The following PRKG2 variants were observed in gnomAD, a reference collection of about 807,000 sequenced individuals.
PRKG2 encodes the protein cGMP-dependent protein kinase 2.
PRKG2 carries 33 observed loss-of-function variants against 97.2 expected under a neutral mutation model. The observed-to-expected ratio is 0.34, with a 90% CI of 0.26 to 0.45. The LOEUF (loss-of-function observed/expected upper bound fraction) is 0.45. Among genes scored for constraint, PRKG2 ranks in the 20% least tolerant of loss-of-function variants. The probability of loss-of-function intolerance (pLI) is 1.00; values close to 1 mark genes in which losing one functional copy is unlikely to be tolerated. For missense variants in PRKG2, 638 were observed against 900.0 expected (o/e 0.71, Z 3.73); for synonymous variants, 330 against 321.8 (o/e 1.03, Z -0.27).
chr4:81,152,986 A>C (rs1372280509), intron 7 of PRKG2, among the ~76,000 whole-genome samples: 1 of 152,234 alleles, frequency 6.6e-6, no homozygotes. Flanking sequence ...CAGTTTATAC[A>C]CACAGGTGCT....
rs1276370896 is a variant in PRKG2, at chr4:81,088,703, C to CTA, written c.*1003_*1004dup. The CTA allele has an allele frequency of 6.6e-6, 1 of 152,140 alleles. No individual in the cohort carries two copies. The highest frequency in any genetic ancestry group is 1.5e-5 in the Non-Finnish European group (1 of 68,024). The allele number at this position is 152,140 out of a possible 1,614,324, so 9.4% of individuals were successfully genotyped here. On this transcript the variant is annotated 3_prime_UTR_variant, in exon 19 of 19. Transcript: ENST00000264399. Reference sequence around the variant, plus strand: ...AAAAGCGCTATTAACTCAGCAGTGACTACAGTGCATCAACATTTGTCAATG... The same window carrying CTA: ...AAAAGCGCTATTAACTCAGCAGTGACTATACAGTGCATCAACATTTGTCAATG...
At chr4:81,176,876 C>A (rs1750973748) in intron 2 of PRKG2, among the ~76,000 whole-genome samples, 1 of 151,904 alleles carries the variant, frequency 6.6e-6, no homozygotes, top group African/African-American at 2.4e-5. Context: ...CAAAAAGACT[C>A]TTTTGTCCAT....
At position 81,188,183 on chromosome 4, in the gene PRKG2, A is replaced by T. The variant is rs570489075; in HGVS notation, c.462-13224T>A. Among the ~76,000 whole-genome samples, 1,374 of 150,396 alleles carry T rather than the reference A, an allele frequency of 9.1e-3. 28 individuals are homozygous for T. The highest frequency in any genetic ancestry group is 0.032 in the African/African-American group (1,288 of 39,738). On this transcript the variant is annotated intron_variant, in intron 2 of 18. Transcript: ENST00000264399. ...ACTCAAACAAATTTACAAGAAAAAA[A>T]CAAACAACCCCATCAAACAGTGGGT...
intron 14 of PRKG2, among the ~76,000 whole-genome samples, chr4:81,126,604 G>C (rs1356541011): frequency 6.6e-6 from 1 of 152,212 alleles, no homozygotes; most frequent in South Asian, 2.1e-4. Context: ...TTGTGGTTTT[G>C]ATTTGCATTT....
chr4:81,117,071 C>A (rs1360115397), intron 14 of PRKG2, among the ~76,000 whole-genome samples: 1 of 144,870 alleles, frequency 6.9e-6, no homozygotes, highest in Non-Finnish European at 1.5e-5. Context: ...TGGCTCACTG[C>A]AGCCTCAACC....
In PRKG2 at chr4:81,096,629, C is replaced by T. The variant is rs192211379; in HGVS notation, c.2127-4177G>A. Among the ~76,000 whole-genome samples, 20 of 152,256 alleles carry T rather than the reference C, an allele frequency of 1.3e-4. No individual in the cohort carries two copies. In the East Asian group the frequency reaches 3.9e-3, roughly 29 times the overall value. ...AGTAAGTTTATGTAATATTTAAATC[C>T]TTTGTTGTCATTTCAACAATATTCA... On this transcript the variant is annotated intron_variant, in intron 17 of 18. Transcript: ENST00000264399.
chr4:81,217,066 T>TATATATATATATATAA (rs1466238894), upstream of PRKG2, among the ~76,000 whole-genome samples: 1 of 145,370 alleles, frequency 6.9e-6, no homozygotes, highest in African/African-American at 2.6e-5. Flanking sequence ...TGTATATATA[T>TATATATATATATATAA]AATATAAAAC....
chr4:81,111,207 T>C (rs1015325996), intron 14 of PRKG2, among the ~76,000 whole-genome samples: 7 of 152,186 alleles, frequency 4.6e-5, no homozygotes, highest in African/African-American at 1.4e-4. Context: ...GGTAATATCA[T>C]GCCAACTTTG....
chr4:81,089,829 A>C, intron 18 of PRKG2, 26 bp from the exon 19 acceptor site: 2 of 1,542,032 alleles, frequency 1.3e-6, no homozygotes, highest in South Asian at 1.1e-5. Context: ...TTAAAACAAA[A>C]GGAAGAATAA....
chr4:81,167,951 C>T (rs972452262), intron 5 of PRKG2, among the ~76,000 whole-genome samples: 4 of 151,920 alleles, frequency 2.6e-5, no homozygotes, highest in East Asian at 1.9e-4. Context: ...AGTAGCTTCA[C>T]GGGTGTTCAT....
Position 81,142,786 on chromosome 4 carries a change from C to G in PRKG2, c.1407+8G>C, listed in dbSNP as rs1236143794. 6.4e-7 allele frequency: 1 copy of G among 1,559,284 alleles called. No homozygotes were observed. The highest frequency in any genetic ancestry group is 8.7e-7 in the Non-Finnish European group (1 of 1,145,942). On this transcript the variant is annotated splice_region_variant and intron_variant, in intron 11 of 18. Transcript: ENST00000264399. ...TTCTCTCAGATGCTTGAAACGTAAA[C>G]CCCTTACAAGCTCAACTCTTCCGAA...
At chr4:81,179,862 C>A (rs1751254474) in intron 2 of PRKG2, among the ~76,000 whole-genome samples, 1 of 151,874 alleles carries the variant, frequency 6.6e-6, no homozygotes, top group South Asian at 2.1e-4. Context: ...CAAGGATAGG[C>A]CGGGCGCAGT....
chr4:81,165,391 G>GT (rs781696840), intron 6 of PRKG2, among the ~76,000 whole-genome samples: 25 of 152,200 alleles, frequency 1.6e-4, no homozygotes, highest in Admixed American at 3.9e-4. Context: ...GATTTAGCCT[G>GT]TTTTTTTCAA....
At chr4:81,171,637 T>C in intron 4 of PRKG2, 54 bp downstream of exon 4, 1 of 1,392,746 alleles carries the variant, frequency 7.2e-7, no homozygotes, top group South Asian at 1.4e-5. Context: ...CTGGACTAGA[T>C]TATCTTTAAC....
intron 1 of PRKG2, among the ~76,000 whole-genome samples, chr4:81,213,980 C>G (rs944328051): frequency 1.3e-5 from 2 of 151,972 alleles, no homozygotes; most frequent in Non-Finnish European, 2.9e-5. Context: ...TTAGCTCATA[C>G]CCTCCTGTGC....
At chr4:81,204,250 A>G (rs1753504108) in intron 2 of PRKG2, among the ~76,000 whole-genome samples, 1 of 151,934 alleles carries the variant, frequency 6.6e-6, no homozygotes, top group African/African-American at 2.4e-5. Flanking sequence ...CATAGTCACA[A>G]TTCACTGTGA....
At position 81,198,590 on chromosome 4, in the gene PRKG2, T is replaced by C. The variant is rs544396404; in HGVS notation, c.461+5997A>G. Among the ~76,000 whole-genome samples the C allele has an allele frequency of 2.6e-5, 4 of 152,196 alleles. No homozygotes were observed. In the East Asian group the frequency reaches 5.8e-4, roughly 22 times the overall value. On this transcript the variant is annotated intron_variant, in intron 2 of 18. Coordinates refer to ENST00000264399, the MANE Select transcript of PRKG2 (RefSeq NM_006259.3). ...GCACAGGCTATAAATGTTGTGCACATTGTGGTAGAGAATACACATTTGACA... is the reference window on the plus strand; with the variant it reads ...GCACAGGCTATAAATGTTGTGCACACTGTGGTAGAGAATACACATTTGACA...
intron 14 of PRKG2, among the ~76,000 whole-genome samples, chr4:81,117,423 T>TTTTGAG (rs1744655600): frequency 6.6e-6 from 1 of 152,172 alleles, no homozygotes; most frequent in Admixed American, 6.5e-5. Context: ...ATAGAAGTAC[T>TTTTGAG]TATACCACTG....
At chr4:81,128,145 A>G (rs1745792203) in intron 14 of PRKG2, among the ~76,000 whole-genome samples, 1 of 152,034 alleles carries the variant, frequency 6.6e-6, no homozygotes, top group Admixed American at 6.6e-5. Flanking sequence ...ATTTATTTGC[A>G]TATGTTGAGC....
Sources: allele counts gnomAD v4.1 joint callset (sites outside exome capture counted in the v4.1 genomes callset), GRCh38; gene constraint gnomAD v4.1.1; transcripts MANE v1.5; gene names NCBI Gene and HGNC (gene_info 2026-07-23, HGNC 2026-07-21).